PCDHGA8: variants seen among roughly 807,000 people sequenced by gnomAD.
PCDHGA8 encodes the protein protocadherin gamma subfamily A, 8, also known as protocadherin gamma-A8.
Under a neutral mutation model 59.2 loss-of-function variants are expected in PCDHGA8, and 45 were observed. The ratio of observed to expected loss-of-function variants is 0.76; its 90% confidence interval spans 0.60 to 0.98. The LOEUF is 0.98. Ranked by LOEUF, PCDHGA8 falls within the 50% of genes least tolerant of loss-of-function variation. PCDHGA8 has a pLI of 0.00. For synonymous variants in PCDHGA8, 531 were observed against 519.0 expected, an observed-to-expected ratio of 1.02 and a Z score of -0.32; for missense variants, 1,257 against 1,196.2, an observed-to-expected ratio of 1.05 and a Z score of -0.75.
intron 1 of PCDHGA8, chr5:141,423,762 G>T: frequency 2.3e-5 from 6 of 264,236 alleles, no homozygotes; most frequent in Non-Finnish European, 3.4e-5. Context: ...GGGGGGGGGT[G>T]GGGCGGCATA....
intron 1 of PCDHGA8, chr5:141,399,510 C>T: frequency 6.2e-7 from 1 of 1,614,040 alleles, no homozygotes; most frequent in Non-Finnish European, 8.5e-7. Context: ...CCGAAAACAA[C>T]CCTCCTGGGG....
chr5:141,500,571 C>T (rs1171231755), intron 2 of PCDHGA8, among the ~76,000 whole-genome samples: 1 of 152,196 alleles, frequency 6.6e-6, no homozygotes, highest in African/African-American at 2.4e-5. Context: ...GTCACACTTT[C>T]ATGTGACACT....
chr5:141,400,099 T>G (rs574278907), intron 1 of PCDHGA8: 1 of 1,614,072 alleles, frequency 6.2e-7, no homozygotes, highest in African/African-American at 1.3e-5. Flanking sequence ...CACGCTGCAC[T>G]TGGTCTTTGC....
chr5:141,449,165 G>A (rs144669334), intron 1 of PCDHGA8, among the ~76,000 whole-genome samples: 3 of 152,234 alleles, frequency 2.0e-5, no homozygotes, highest in Admixed American at 1.3e-4. Context: ...GGAAATAGGT[G>A]TAATTTTCTT....
intron 1 of PCDHGA8, chr5:141,395,876 T>C (rs1175297322): frequency 6.6e-6 from 1 of 152,090 alleles, no homozygotes; most frequent in Non-Finnish European, 1.5e-5. Context: ...AGTATGTGAG[T>C]CAGTGGTCAC....
intron 1 of PCDHGA8, among the ~76,000 whole-genome samples, chr5:141,453,080 A>T (rs1323212808): frequency 6.6e-6 from 1 of 151,960 alleles, no homozygotes; most frequent in Non-Finnish European, 1.5e-5. Context: ...ACTCTGGTTG[A>T]TTAGTATATT....
At chr5:141,449,631 G>C in intron 1 of PCDHGA8, among the ~76,000 whole-genome samples, 1 of 148,476 alleles carries the variant, frequency 6.7e-6, no homozygotes, top group Middle Eastern at 3.6e-3. Flanking sequence ...TTAAAAAGAT[G>C]TATCTATATA....
At chr5:141,418,127 A>G in intron 1 of PCDHGA8, 1 of 1,614,104 alleles carries the variant, frequency 6.2e-7, no homozygotes, top group East Asian at 2.2e-5. Flanking sequence ...GAAGGACCGA[A>G]TAGACCGTGA....
At position 141,490,258 on chromosome 5, in the gene PCDHGA8, G is replaced by A. The variant is rs776865457; in HGVS notation, c.2425-4549G>A. Reference sequence around the variant, plus strand: ...GGGCCACTGTGTGATTCAAGTGGATGTGGGGGATGTCAATGACAATGCCCC... The same window carrying A: ...GGGCCACTGTGTGATTCAAGTGGATATGGGGGATGTCAATGACAATGCCCC... On this transcript the variant is annotated intron_variant, in intron 1 of 3. Transcript: ENST00000398604. The surrounding 1 kb of genome is among the most constrained non-coding windows in gnomAD (Gnocchi z 5.4). 6.2e-7 allele frequency: 1 copy of A among 1,614,136 alleles called. No homozygotes were observed.
At chr5:141,445,895 A>C (rs930350527) in intron 1 of PCDHGA8, among the ~76,000 whole-genome samples, 1 of 152,212 alleles carries the variant, frequency 6.6e-6, no homozygotes, top group Admixed American at 6.5e-5. Context: ...GGAGCTATTA[A>C]AATATTTTAA....
At chr5:141,418,572 A>AC (rs752316020) in intron 1 of PCDHGA8, 2 of 1,613,794 alleles carry the variant, frequency 1.2e-6, no homozygotes, top group African/African-American at 1.3e-5. Context: ...GCCAATGACA[A>AC]CCCCCCAGTG....
chr5:141,478,323 G>C, intron 1 of PCDHGA8: 1 of 1,613,958 alleles, frequency 6.2e-7, no homozygotes, highest in Non-Finnish European at 8.5e-7. Flanking sequence ...TCACTGTACC[G>C]AACACCAGGG....
At chr5:141,427,156 T>G (rs533425641) in intron 1 of PCDHGA8, 10 of 456,890 alleles carry the variant, frequency 2.2e-5, no homozygotes, top group African/African-American at 2.0e-4. Flanking sequence ...AATATGTTTG[T>G]GCTAGACCAT....
intron 1 of PCDHGA8, among the ~76,000 whole-genome samples, chr5:141,445,441 C>T (rs1201825256): frequency 6.6e-6 from 1 of 152,152 alleles, no homozygotes; most frequent in Admixed American, 6.6e-5. Context: ...GACCTATGGA[C>T]TAAGGATGCA....
In PCDHGA8 at chr5:141,394,160, T is replaced by G. The variant is rs749389529; in HGVS notation, c.1347T>G (p.Pro449=). The stretch of plus-strand genomic sequence containing the variant: ...ACGTGGCAGACATTAACGACAACCC[T>G]CCTACTTTCCCTCATGCCTCCTACT... The part of the protein sequence containing the change: ...ALHVADINDN[P]PTFPHASYSA... The change falls in exon 1 of 4, where the codon CCT becomes CCG. Residue 449 remains proline (P), a synonymous_variant. Coordinates refer to ENST00000398604, the MANE Select transcript of PCDHGA8 (RefSeq NM_032088.2). The G allele has an allele frequency of 1.7e-5, 27 of 1,613,534 alleles. No individual in the cohort carries two copies. Among genetic ancestry groups the G allele is most frequent in the Non-Finnish European group, 2.3e-5 (27 of 1,179,806 alleles).
intron 1 of PCDHGA8, chr5:141,428,217 C>A: frequency 8.3e-7 from 1 of 1,211,998 alleles, no homozygotes; most frequent in Non-Finnish European, 1.2e-6. Context: ...TTCACCTAGT[C>A]TTCGCAGACA....
Position 141,393,435 on chromosome 5 carries a change from C to T in PCDHGA8, c.622C>T (p.His208Tyr). Reference sequence around the variant, plus strand: ...CCTGGACAGGGAGGAAGAGGCTGCTCACCACCTGGTCCTCACGGCCTCGGA... The same window carrying T: ...CCTGGACAGGGAGGAAGAGGCTGCTTACCACCTGGTCCTCACGGCCTCGGA... The part of the protein sequence containing the change: ...RALDREEEAA[H>Y]HLVLTASDGG... Residue 208 changes from histidine to tyrosine, a missense_variant, in exon 1 of 4, where the codon CAC becomes TAC. Transcript: ENST00000398604. 6.2e-7 allele frequency: 1 copy of T among 1,614,014 alleles called. No homozygotes were observed.
intron 1 of PCDHGA8, chr5:141,409,789 G>T: frequency 6.2e-7 from 1 of 1,612,036 alleles, no homozygotes; most frequent in Non-Finnish European, 8.5e-7. Context: ...GCGCCTTCGC[G>T]CTCACGCTGC....
intron 1 of PCDHGA8, chr5:141,441,249 TA>T (rs981387539): frequency 6.6e-6 from 1 of 152,206 alleles, no homozygotes; most frequent in Non-Finnish European, 1.5e-5. Context: ...ACAAGATCTT[TA>T]AATCACAAGA....
Sources: gnomAD v4.1 joint callset for allele counts (sites outside exome capture counted in the v4.1 genomes callset) on GRCh38, gnomAD v4.1.1 for gene constraint, Gnocchi (gnomAD v3.1) non-coding constraint, MANE v1.5 for transcripts, NCBI Gene and HGNC (gene_info 2026-07-23, HGNC 2026-07-21) for gene names.